Variants in CAMK4 observed in about 807,000 individuals in gnomAD.
The protein encoded by CAMK4 is calcium/calmodulin dependent protein kinase IV.
A neutral mutation model predicts 44.9 loss-of-function variants in CAMK4; 22 were observed. That is an observed-to-expected ratio of 0.49 (90% CI 0.35 to 0.70). The LOEUF (loss-of-function observed/expected upper bound fraction) is 0.70, where lower values mean the gene tolerates loss of function less well. Among genes scored for constraint, CAMK4 ranks in the 30% least tolerant of loss-of-function variants. The pLI is 0.01. For synonymous variants in CAMK4, 218 were observed against 215.4 expected (o/e 1.01, Z -0.11); for missense variants, 498 against 586.8 (o/e 0.85, Z 1.56).
rs762933144 is a variant in CAMK4 at position 111,446,668 on chromosome 5, A to C, written c.460-18A>C. ...AATAGCATTACACAAATGTTATTTCATTATTTTCCCTCTTTAGTATCTACA... is the reference window on the plus strand; with the variant it reads ...AATAGCATTACACAAATGTTATTTCCTTATTTTCCCTCTTTAGTATCTACA... On this transcript the variant is annotated intron_variant, in intron 5 of 10. Transcript: ENST00000282356. 3.8e-6 allele frequency: 5 copies of C among 1,312,160 alleles called. No individual in the cohort carries two copies. The highest frequency in any genetic ancestry group is 4.3e-6 in the Non-Finnish European group (4 of 920,336). 81.3% of individuals were successfully genotyped at this position (1,312,160 alleles called of 1,614,324 possible). A position where few individuals can be genotyped will look rare whatever the true frequency, so the allele number is the denominator to read the frequency against.
In CAMK4 at chr5:111,484,508, T is replaced by C. The variant is rs1054485074; in HGVS notation, c.*42T>C. The C allele has an allele frequency of 3.7e-6, 5 of 1,356,274 alleles. No individual in the cohort carries two copies. Among genetic ancestry groups the C allele is most frequent in the Non-Finnish European group, 4.0e-6 (4 of 1,002,780 alleles). The allele number at this position is 1,356,274 out of a possible 1,614,324, so 84.0% of individuals were successfully genotyped here. A position where few individuals can be genotyped will look rare whatever the true frequency, so the allele number is the denominator to read the frequency against. On this transcript the variant is annotated 3_prime_UTR_variant, in exon 11 of 11. Transcript: ENST00000282356. This position sits in a 1 kb window ranked among gnomAD's most constrained non-coding sequence, Gnocchi z 5.3. Reference sequence around the variant, plus strand: ...CTGGAAGCCAAACACCGGCATTTTATGTACTTTGTCCTTCAGCAAGAAAGG... The same window carrying C: ...CTGGAAGCCAAACACCGGCATTTTACGTACTTTGTCCTTCAGCAAGAAAGG...
intron 2 of CAMK4, among the ~76,000 whole-genome samples, chr5:111,351,834 A>G (rs987730077): frequency 6.6e-5 from 10 of 152,092 alleles, no homozygotes; most frequent in Admixed American, 6.6e-4. Flanking sequence ...ATTGAATAAC[A>G]CGAACTTGGT....
chr5:111,339,578 G>A (rs929560024), intron 1 of CAMK4, among the ~76,000 whole-genome samples: 5 of 151,282 alleles, frequency 3.3e-5, no homozygotes, highest in African/African-American at 1.2e-4. Flanking sequence ...TTGTTCCATT[G>A]CTCTATGTGT....
chr5:111,417,905 T>C (rs1328513746), intron 5 of CAMK4, among the ~76,000 whole-genome samples: 1 of 152,246 alleles, frequency 6.6e-6, no homozygotes, highest in Non-Finnish European at 1.5e-5. Context: ...TAACCTGTTT[T>C]GTCATTGGAG....
At chr5:111,443,299 C>T (rs1308558383) in intron 5 of CAMK4, among the ~76,000 whole-genome samples, 53 of 137,352 alleles carry the variant, frequency 3.9e-4, no homozygotes, top group Admixed American at 5.4e-4. Context: ...CACACACACA[C>T]ACACACACAC....
intron 1 of CAMK4, among the ~76,000 whole-genome samples, chr5:111,312,458 A>G (rs757172433): frequency 1.3e-5 from 2 of 152,170 alleles, no homozygotes; most frequent in Middle Eastern, 3.2e-3. Context: ...GTATAACACA[A>G]TGCCTGGCTG....
At chr5:111,278,753 G>T (rs897514297) in intron 1 of CAMK4, among the ~76,000 whole-genome samples, 4 of 152,236 alleles carry the variant, frequency 2.6e-5, no homozygotes, top group Non-Finnish European at 5.9e-5. Flanking sequence ...TCTTAAACTG[G>T]GTTTTTGCCT....
At chr5:111,241,544 A>C (rs531626210) in intron 1 of CAMK4, among the ~76,000 whole-genome samples, 3 of 152,038 alleles carry the variant, frequency 2.0e-5, no homozygotes, top group South Asian at 4.1e-4. Flanking sequence ...TTCTTACTCT[A>C]TCTAGTCTTT....
At chr5:111,391,639 C>T (rs926285204) in intron 4 of CAMK4, among the ~76,000 whole-genome samples, 8 of 151,732 alleles carry the variant, frequency 5.3e-5, no homozygotes, top group South Asian at 2.1e-4. Flanking sequence ...AATTGCACAC[C>T]CCAAAGAAGA....
At chr5:111,317,959 C>T (rs958702552) in intron 1 of CAMK4, among the ~76,000 whole-genome samples, 7 of 121,522 alleles carry the variant, frequency 5.8e-5, no homozygotes, top group Middle Eastern at 6.8e-3. Context: ...TATTTTTTAT[C>T]GGACTGTATA....
rs892276854 is a variant in CAMK4, at chr5:111,293,558, C to G, written c.162-50466C>G. Among the ~76,000 whole-genome samples, 5 of 151,302 alleles carry G rather than the reference C, an allele frequency of 3.3e-5. No homozygotes were observed. The South Asian group carries it at 1.0e-3, about 32-fold the overall frequency. ...TCCCCTGCCTCAGTCTCCGGAGTAG[C>G]TGGGATTACAAGCACCCGCCACCAC... On this transcript the variant is annotated intron_variant, in intron 1 of 10. Coordinates refer to ENST00000282356, the MANE Select transcript of CAMK4 (RefSeq NM_001744.6).
intron 1 of CAMK4, among the ~76,000 whole-genome samples, chr5:111,242,059 A>G (rs1202535146): frequency 6.6e-6 from 1 of 152,156 alleles, no homozygotes; most frequent in East Asian, 1.9e-4. Flanking sequence ...GACACAGGCT[A>G]TTCGAAACTA....
rs1038479629 is a variant in CAMK4 at position 111,487,990 on chromosome 5, A to G, written c.*3524A>G. The G allele has an allele frequency of 3.9e-5, 6 of 152,164 alleles. No homozygotes were observed. The highest frequency in any genetic ancestry group is 1.2e-4 in the African/African-American group (5 of 41,442). The allele number at this position is 152,164 out of a possible 1,614,324, so 9.4% of individuals were successfully genotyped here. On this transcript the variant is annotated 3_prime_UTR_variant, in exon 11 of 11. Coordinates refer to ENST00000282356, the MANE Select transcript of CAMK4 (RefSeq NM_001744.6). Reference sequence around the variant, plus strand: ...GCATTACTAAATTATCTACTGACCAATCCCTCTGATTCCTGATGGGCCCTG... The same window carrying G: ...GCATTACTAAATTATCTACTGACCAGTCCCTCTGATTCCTGATGGGCCCTG...
intron 4 of CAMK4, among the ~76,000 whole-genome samples, chr5:111,377,193 G>A (rs940782434): frequency 6.6e-6 from 1 of 152,088 alleles, no homozygotes. Context: ...GCAAATATTT[G>A]TCTCCTCAAT....
At chr5:111,366,691 C>A (rs748461964) in intron 2 of CAMK4, among the ~76,000 whole-genome samples, 2 of 152,078 alleles carry the variant, frequency 1.3e-5, no homozygotes, top group African/African-American at 4.8e-5. Flanking sequence ...AGTGATGGAG[C>A]CTTTTTCTCT....
chr5:111,360,943 T>C (rs1387544043), intron 2 of CAMK4, among the ~76,000 whole-genome samples: 2 of 152,052 alleles, frequency 1.3e-5, no homozygotes, highest in Non-Finnish European at 2.9e-5. Flanking sequence ...ACCAAGAGTA[T>C]GATTATATTA....
intron 7 of CAMK4, among the ~76,000 whole-genome samples, chr5:111,464,975 AC>A (rs1754771329): frequency 6.6e-6 from 1 of 152,142 alleles, no homozygotes; most frequent in Non-Finnish European, 1.5e-5. Flanking sequence ...ACACTCCCAA[AC>A]CAAGGAGACA....
At chr5:111,313,869 C>T (rs576640427) in intron 1 of CAMK4, among the ~76,000 whole-genome samples, 1 of 152,040 alleles carries the variant, frequency 6.6e-6, no homozygotes, top group Non-Finnish European at 1.5e-5. Context: ...TGAAATTGGA[C>T]TTAACTTTAA....
intron 1 of CAMK4, among the ~76,000 whole-genome samples, chr5:111,255,924 G>T (rs1205827669): frequency 1.3e-5 from 2 of 152,030 alleles, no homozygotes; most frequent in Non-Finnish European, 2.9e-5. Flanking sequence ...TGTTTTTAAG[G>T]CTAATGATGT....
Sources: gnomAD v4.1 joint callset for allele counts (sites outside exome capture counted in the v4.1 genomes callset) on GRCh38, gnomAD v4.1.1 for gene constraint, Gnocchi (gnomAD v3.1) non-coding constraint, MANE v1.5 for transcripts, NCBI Gene and HGNC (gene_info 2026-07-23, HGNC 2026-07-21) for gene names.